Variants in ZNF292 observed in about 807,000 individuals in gnomAD.
ZNF292 encodes 16 zinc-finger domain protein.
In ZNF292, 26 loss-of-function variants were observed where a neutral mutation model predicts 217.9. The observed-to-expected ratio is 0.12, with a 90% CI of 0.09 to 0.17. The LOEUF (loss-of-function observed/expected upper bound fraction) is 0.17. Among genes scored for constraint, ZNF292 ranks in the 10% least tolerant of loss-of-function variants. ZNF292 has a pLI of 1.00. For synonymous variants in ZNF292, 1,257 were observed against 1,124.1 expected, an observed-to-expected ratio of 1.12 and a Z score of -2.37; for missense variants, 2,904 against 3,175.2, an observed-to-expected ratio of 0.91 and a Z score of 2.05.
rs561335517 is a variant in ZNF292, at chr6:87,239,920, C to T, written c.742-3555C>T. Among the ~76,000 whole-genome samples the T allele has an allele frequency of 7.0e-3, 1,067 of 151,786 alleles. 19 individuals are homozygous for T. Among genetic ancestry groups the T allele is most frequent in the African/African-American group, 0.023 (967 of 41,282 alleles). On this transcript the variant is annotated intron_variant, in intron 5 of 7. Coordinates refer to ENST00000369577, the MANE Select transcript of ZNF292 (RefSeq NM_015021.3). ...ACATCCCAGACGATGGGTGGCCAGG[C>T]AGAGACGCTCCTCACTTCCCAGACG...
intron 5 of ZNF292, among the ~76,000 whole-genome samples, chr6:87,234,573 A>AT (rs891284366): frequency 3.3e-5 from 5 of 151,530 alleles, no homozygotes; most frequent in South Asian, 2.1e-4. Context: ...AAAAAAAAAA[A>AT]TTTTTTTTAA....
In ZNF292 at chr6:87,254,770, G is replaced by A; in HGVS notation, c.1141G>A (p.Asp381Asn). 6.2e-7 allele frequency: 1 copy of A among 1,613,934 alleles called. No homozygotes were observed. Among genetic ancestry groups the A allele is most frequent in the Non-Finnish European group, 8.5e-7 (1 of 1,179,846 alleles). Residue 381 changes from aspartate (D) to asparagine (N), a missense_variant, in exon 8 of 8, where the codon GAT (aspartate) becomes AAT (asparagine). By Grantham distance (23) the Asp-to-Asn change is conservative (BLOSUM62 1). This residue lies in a region of ZNF292 where 313 missense variants were observed against 451.0 expected (regional missense o/e 0.69). Transcript: ENST00000369577. ...CAAGACCATTTCATGTTTGTTGCCT[G>A]ATGATCTGGAAGTTAAACGTGCTTG... is the stretch of plus-strand genomic sequence containing the variant. ...ICKTISCLLP[D>N]DLEVKRACQL...
rs550147160 is a variant in ZNF292, at chr6:87,236,881, A to G, written c.741+3354A>G. On this transcript the variant is annotated intron_variant, in intron 5 of 7. Coordinates refer to ENST00000369577, the MANE Select transcript of ZNF292 (RefSeq NM_015021.3). ...TAATTCCATAGTATGCATTTGTAAT[A>G]TCTTTAACCAGATTGGTAGACACTT... Among the ~76,000 whole-genome samples the G allele has an allele frequency of 2.6e-5, 4 of 152,290 alleles. No homozygotes were observed. In the East Asian group the frequency reaches 5.8e-4, roughly 22 times the overall value.
chr6:87,200,938 G>A (rs1259653450), intron 1 of ZNF292, among the ~76,000 whole-genome samples: 1 of 152,098 alleles, frequency 6.6e-6, no homozygotes, highest in Non-Finnish European at 1.5e-5. Context: ...TACTGCACTG[G>A]GCCGTTTGCC....
chr6:87,239,111 C>A (rs1478754811), intron 5 of ZNF292, among the ~76,000 whole-genome samples: 1 of 152,292 alleles, frequency 6.6e-6, no homozygotes, highest in African/African-American at 2.4e-5. Context: ...AATCTGATTT[C>A]TCTATCTTTT....
chr6:87,219,972 C>T (rs1196424322), intron 4 of ZNF292, among the ~76,000 whole-genome samples: 2 of 152,104 alleles, frequency 1.3e-5, no homozygotes, highest in South Asian at 2.1e-4. Flanking sequence ...AGACACATGC[C>T]ACCACACTCA....
At chr6:87,179,824 T>C (rs1447211155) in intron 1 of ZNF292, among the ~76,000 whole-genome samples, 1 of 152,212 alleles carries the variant, frequency 6.6e-6, no homozygotes, top group Admixed American at 6.5e-5. Context: ...TTATTTGCCC[T>C]ATTTCCTCCA....
At chr6:87,230,932 CAT>C (rs1291120748) in intron 4 of ZNF292, among the ~76,000 whole-genome samples, 4 of 152,162 alleles carry the variant, frequency 2.6e-5, no homozygotes, top group Non-Finnish European at 4.4e-5. Flanking sequence ...AAAGGTGACA[CAT>C]GAGTAAAATT....
intron 6 of ZNF292, among the ~76,000 whole-genome samples, chr6:87,245,247 A>C (rs1476949804): frequency 6.6e-6 from 1 of 152,136 alleles, no homozygotes; most frequent in Non-Finnish European, 1.5e-5. Context: ...GAAAAAAAAA[A>C]ATGTTAGATG....
chr6:87,261,354 G>A lies in ZNF292; in HGVS notation c.7725G>A (p.Glu2575=), dbSNP rs774703814. ...EETAVAIQTI[E]EHPASFDWSS... ...CTGCTGTTGCCATTCAAACCATTGA[G>A]GAGCATCCTGCATCTTTTGACTGGA... is the stretch of plus-strand genomic sequence containing the variant. Residue 2575 remains glutamate (E), a synonymous_variant, in exon 8 of 8, where the codon GAG becomes GAA. Transcript: ENST00000369577. 6.2e-7 allele frequency: 1 copy of A among 1,613,318 alleles called. No individual in the cohort carries two copies. The highest frequency in any genetic ancestry group is 1.7e-5 in the Admixed American group (1 of 59,890).
rs1562193787 is a variant in ZNF292, at chr6:87,260,280, A to G, written c.6651A>G (p.Pro2217=). ...MTASVDVGKF[P]CDQLECKSSF... is the part of the protein sequence containing the mutation. Reference sequence around the variant, plus strand: ...CTTCAGTGGATGTTGGGAAGTTTCCATGTGACCAGTTAGAGTGTAAATCTT... The same window carrying G: ...CTTCAGTGGATGTTGGGAAGTTTCCGTGTGACCAGTTAGAGTGTAAATCTT... Residue 2217 remains proline (P), a synonymous_variant, in exon 8 of 8, where the codon CCA becomes CCG. Coordinates refer to ENST00000369577, the MANE Select transcript of ZNF292 (RefSeq NM_015021.3). 3.7e-6 allele frequency: 6 copies of G among 1,613,706 alleles called. No individual in the cohort carries two copies. In the Middle Eastern group the frequency reaches 4.9e-4, roughly 133 times the overall value.
intron 7 of ZNF292, among the ~76,000 whole-genome samples, chr6:87,246,554 G>A (rs1774593671): frequency 6.6e-6 from 1 of 152,196 alleles, no homozygotes; most frequent in African/African-American, 2.4e-5. Flanking sequence ...CACAGGGACA[G>A]GAGATAGCTA....
At chr6:87,234,644 T>C (rs1582468519) in intron 5 of ZNF292, among the ~76,000 whole-genome samples, 1 of 152,112 alleles carries the variant, frequency 6.6e-6, no homozygotes, top group African/African-American at 2.4e-5. Flanking sequence ...GGGTGTCTTA[T>C]ATCTGTAATA....
intron 4 of ZNF292, among the ~76,000 whole-genome samples, chr6:87,221,615 C>G (rs1366998890): frequency 2.6e-5 from 4 of 152,150 alleles, no homozygotes; most frequent in African/African-American, 9.7e-5. Context: ...AGATTGCCAT[C>G]ATGTCTACAC....
intron 1 of ZNF292, among the ~76,000 whole-genome samples, chr6:87,208,649 A>C (rs1772348355): frequency 6.6e-6 from 1 of 152,110 alleles, no homozygotes; most frequent in South Asian, 2.1e-4. Flanking sequence ...GCTTTTTAAA[A>C]ATGTCTACTG....
chr6:87,193,438 G>T (rs929350385), intron 1 of ZNF292, among the ~76,000 whole-genome samples: 1 of 152,038 alleles, frequency 6.6e-6, no homozygotes, highest in African/African-American at 2.4e-5. Context: ...TACTTGGGAG[G>T]CTGAGGTGGG....
intron 4 of ZNF292, among the ~76,000 whole-genome samples, chr6:87,226,938 C>T (rs1447497641): frequency 6.6e-6 from 1 of 151,928 alleles, no homozygotes; most frequent in Non-Finnish European, 1.5e-5. Context: ...CCTTGGCCTC[C>T]CAGAGTGCTG....
intron 1 of ZNF292, among the ~76,000 whole-genome samples, chr6:87,182,232 A>G (rs1289716041): frequency 1.3e-5 from 2 of 152,216 alleles, no homozygotes; most frequent in African/African-American, 4.8e-5. Context: ...GATCCCAAAA[A>G]TGGTTGAGCT....
At position 87,205,182 on chromosome 6, in the gene ZNF292, C is replaced by T. The variant is rs116689979; in HGVS notation, c.169-10721C>T. ...CAAACTCCTGGGCTCGAGCGATCCT[C>T]CAGCTTTAGCCTCCCAAGTAGCTGG... is the stretch of plus-strand genomic sequence containing the variant. On this transcript the variant is annotated intron_variant, in intron 1 of 7. Coordinates refer to ENST00000369577, the MANE Select transcript of ZNF292 (RefSeq NM_015021.3). Among the ~76,000 whole-genome samples the T allele has an allele frequency of 3.0e-3, 461 of 152,222 alleles. 3 individuals are homozygous for T. The highest frequency in any genetic ancestry group is 0.01 in the African/African-American group (426 of 41,526).
Sources: gnomAD v4.1 joint callset for allele counts (sites outside exome capture counted in the v4.1 genomes callset) on GRCh38, gnomAD v4.1.1 for gene constraint, gnomAD v4.1.1 regional missense constraint, MANE v1.5 for transcripts, NCBI Gene and HGNC (gene_info 2026-07-23, HGNC 2026-07-21) for gene names.